Variants in LINGO1 observed in about 807,000 individuals in gnomAD.
LINGO1 encodes the protein leucine rich repeat and Ig domain containing 1, also known as leucine-rich repeat and immunoglobulin-like domain-containing nogo receptor-interacting protein 1.
In LINGO1, 11 loss-of-function variants were observed where a neutral mutation model predicts 37.3. The ratio of observed to expected loss-of-function variants is 0.29; its 90% CI spans 0.19 to 0.49. LINGO1 has a LOEUF of 0.49. LINGO1 is among the 20% of genes least tolerant of loss of function. The pLI is 0.99. For synonymous variants in LINGO1, 387 were observed against 403.0 expected (o/e 0.96, Z 0.48); for missense variants, 585 against 878.2 (o/e 0.67, Z 4.22).
intron 1 of LINGO1, among the ~76,000 whole-genome samples, chr15:77,753,620 T>A (rs551477391): frequency 6.6e-6 from 1 of 152,184 alleles, no homozygotes. Flanking sequence ...ACTGTCAGCA[T>A]GGGGCCGCTT....
At chr15:77,769,535 ACT>A (rs2076563060) in intron 1 of LINGO1, among the ~76,000 whole-genome samples, 1 of 151,692 alleles carries the variant, frequency 6.6e-6, no homozygotes, top group Non-Finnish European at 1.5e-5. Flanking sequence ...TCAGGGTCTG[ACT>A]CTCCCCATAT....
At chr15:77,634,424 C>A, upstream of LINGO1, 2 of 442,678 alleles carry the variant, frequency 4.5e-6, no homozygotes, top group Admixed American at 2.4e-5. Flanking sequence ...TCCTAGCAGG[C>A]GTCCATGCTA....
At chr15:77,658,605 C>T (rs2074919606) in intron 3 of LINGO1, among the ~76,000 whole-genome samples, 1 of 152,244 alleles carries the variant, frequency 6.6e-6, no homozygotes, top group Admixed American at 6.5e-5. Flanking sequence ...AGAAAGCAGG[C>T]AGGCCTGGCA....
At chr15:77,747,863 C>T (rs2076330425) in intron 1 of LINGO1, among the ~76,000 whole-genome samples, 1 of 152,170 alleles carries the variant, frequency 6.6e-6, no homozygotes, top group Non-Finnish European at 1.5e-5. Context: ...CATTACCCAC[C>T]TCCACACGTC....
At chr15:77,809,675 G>A (rs981088124) in intron 1 of LINGO1, among the ~76,000 whole-genome samples, 2 of 152,184 alleles carry the variant, frequency 1.3e-5, no homozygotes, top group East Asian at 1.9e-4. Context: ...GACCCTTCCA[G>A]TCTACTTCCT....
In LINGO1 at chr15:77,696,465, G is replaced by A. The variant is rs145643236; in HGVS notation, c.-355C>T. 62 of 152,480 alleles carry A rather than the reference G, an allele frequency of 4.1e-4. 1 individual carries two copies. The highest frequency in any genetic ancestry group is 1.3e-3 in the African/African-American group (56 of 41,594). The allele number at this position is 152,480 out of a possible 1,614,324, so 9.4% of individuals were successfully genotyped here. The stretch of plus-strand genomic sequence containing the variant: ...AGTCCCTGAGCCTCTTGGAATCTCC[G>A]TCTTCCTGTCTCTTAGATGGAGCTA... On this transcript the variant is annotated 5_prime_UTR_variant, in exon 1 of 4. Transcript: ENST00000559893.
At chr15:77,636,068 T>A (rs371346047), upstream of LINGO1, among the ~76,000 whole-genome samples, 2 of 152,242 alleles carry the variant, frequency 1.3e-5, no homozygotes, top group African/African-American at 4.8e-5. Context: ...TTGCTGTTCC[T>A]ACTGTACAGA....
chr15:77,676,879 C>T (rs2075336736), intron 3 of LINGO1, among the ~76,000 whole-genome samples: 1 of 152,206 alleles, frequency 6.6e-6, no homozygotes, highest in South Asian at 2.1e-4. Context: ...TGAGGCGTGG[C>T]CTTCCTTCTC....
Position 77,780,591 on chromosome 15 carries a change from G to A in LINGO1, c.-257+6278C>T, listed in dbSNP as rs564269591. Among the ~76,000 whole-genome samples the A allele has an allele frequency of 9.9e-5, 15 of 152,234 alleles. No homozygotes were observed. In the South Asian group the frequency reaches 2.9e-3, roughly 29 times the overall value. On this transcript the variant is annotated intron_variant, in intron 1 of 3. Coordinates refer to the LINGO1 transcript ENST00000561686. ...AATATCGTCAGAGGACAGGAGTGCA[G>A]GGGTGGCATTATGGACTAAACTCTG...
At chr15:77,732,203 C>T (rs1286775759) in intron 2 of LINGO1, among the ~76,000 whole-genome samples, 1 of 152,226 alleles carries the variant, frequency 6.6e-6, no homozygotes, top group East Asian at 1.9e-4. Context: ...CTACACTTTA[C>T]TGCTAGGTCC....
intron 1 of LINGO1, among the ~76,000 whole-genome samples, chr15:77,786,103 A>G (rs8039011): frequency 0.56 from 85,126 of 152,040 alleles, 23,851 homozygotes; most frequent in South Asian, 0.62. Flanking sequence ...AGCAGGGCTG[A>G]GACAGGAACC....
At chr15:77,664,170 T>TGTGTGTGTGTGTGTGTGCGCGCGCGC in intron 3 of LINGO1, among the ~76,000 whole-genome samples, 44 of 130,994 alleles carry the variant, frequency 3.4e-4, no homozygotes, top group African/African-American at 1.4e-3. Context: ...TGTGTGTGTG[T>TGTGTGTGTGTGTGTGTGCGCGCGCGC]GCGCGCGCGC....
chr15:77,639,604 C>T (rs2074460012), intron 3 of LINGO1, among the ~76,000 whole-genome samples: 1 of 152,094 alleles, frequency 6.6e-6, no homozygotes, highest in Non-Finnish European at 1.5e-5. Flanking sequence ...ATGTACAGAA[C>T]ACGGTACATT....
At chr15:77,770,314 G>A (rs781126231) in intron 1 of LINGO1, among the ~76,000 whole-genome samples, 50 of 152,284 alleles carry the variant, frequency 3.3e-4, no homozygotes, top group Non-Finnish European at 1.3e-4. Flanking sequence ...CTGGCTGGGC[G>A]CGGTGGCTCA....
chr15:77,795,164 T>C lies in LINGO1; in HGVS notation c.-343+775A>G, dbSNP rs577663249. On this transcript the variant is annotated intron_variant, in intron 2 of 5. Coordinates refer to the LINGO1 transcript ENST00000562933. ...ACAGAGGCCTGTTGAGAACAGAGGA[T>C]TGGCCCAGATATGGGGTAGAGGTGA... Among the ~76,000 whole-genome samples the C allele has an allele frequency of 5.9e-5, 9 of 152,262 alleles. No homozygotes were observed. In the South Asian group the frequency reaches 1.9e-3, roughly 32 times the overall value.
At chr15:77,689,590 G>T (rs1176754705) in intron 2 of LINGO1, among the ~76,000 whole-genome samples, 3 of 152,160 alleles carry the variant, frequency 2.0e-5, no homozygotes, top group African/African-American at 7.2e-5. Context: ...CCAAAAGCCC[G>T]ACCTCCATGT....
At chr15:77,708,144 A>C (rs1411672415) in intron 2 of LINGO1, among the ~76,000 whole-genome samples, 1 of 152,230 alleles carries the variant, frequency 6.6e-6, no homozygotes, top group Non-Finnish European at 1.5e-5. Context: ...ATAGTGTTAG[A>C]CATCAAGGAA....
chr15:77,795,615 C>G (rs1205154416), intron 2 of LINGO1, among the ~76,000 whole-genome samples: 1 of 152,216 alleles, frequency 6.6e-6, no homozygotes, highest in East Asian at 1.9e-4. Flanking sequence ...AAGTCAGGCA[C>G]ACATTTGGTC....
chr15:77,676,840 G>A (rs1038211443), intron 3 of LINGO1, among the ~76,000 whole-genome samples: 3 of 152,164 alleles, frequency 2.0e-5, no homozygotes, highest in Non-Finnish European at 4.4e-5. Flanking sequence ...TCAGCATCCC[G>A]GGGACAAAGC....
Sources: gnomAD v4.1 joint callset for allele counts (sites outside exome capture counted in the v4.1 genomes callset) on GRCh38, gnomAD v4.1.1 for gene constraint, MANE v1.5 for transcripts, NCBI Gene and HGNC (gene_info 2026-07-23, HGNC 2026-07-21) for gene names.